Variants in GPHN observed in about 807,000 individuals in gnomAD.
GPHN encodes the protein gephyrin.
A neutral mutation model predicts 95.5 loss-of-function variants in GPHN; 17 were observed. The ratio of observed to expected loss-of-function variants is 0.18; its 90% CI spans 0.12 to 0.27. GPHN has a LOEUF of 0.27. Among genes scored for constraint, GPHN ranks in the 10% least tolerant of loss-of-function variants. The probability of loss-of-function intolerance (pLI) is 1.00; values close to 1 mark genes in which losing one functional copy is unlikely to be tolerated. For missense variants in GPHN, 660 were observed against 978.1 expected (o/e 0.67, Z 4.34); for synonymous variants, 320 against 322.5 (o/e 0.99, Z 0.08).
chr14:67,692,144 A>C, the GPHN span: 3 of 278,098 alleles, frequency 1.1e-5, no homozygotes, highest in Non-Finnish European at 2.0e-5. Flanking sequence ...TCCCTGTGTA[A>C]GTATTTAGAC....
chr14:67,557,282 A>C, the GPHN span: 1 of 1,613,768 alleles, frequency 6.2e-7, no homozygotes, highest in Non-Finnish European at 8.5e-7. Context: ...GGTGTCATGG[A>C]AGAGAAGGTA....
chr14:66,973,308 A>G (rs1160615302), intron 9 of GPHN, among the ~76,000 whole-genome samples: 8 of 152,206 alleles, frequency 5.3e-5, no homozygotes, highest in African/African-American at 7.2e-5. Flanking sequence ...TCTGATTCCA[A>G]TGACAGACTT....
At chr14:66,906,049 C>T (rs2065365571) in intron 5 of GPHN, among the ~76,000 whole-genome samples, 1 of 151,070 alleles carries the variant, frequency 6.6e-6, no homozygotes, top group Admixed American at 6.6e-5. Flanking sequence ...ACATTATCCC[C>T]AGGTTCACCT....
the GPHN span, chr14:67,600,324 C>T: frequency 6.0e-6 from 5 of 839,262 alleles, no homozygotes; most frequent in South Asian, 5.9e-5. Flanking sequence ...CCTAAGCCTG[C>T]GCAGCCTCAG....
At chr14:66,885,920 A>C (rs1402287438) in intron 5 of GPHN, among the ~76,000 whole-genome samples, 1 of 152,036 alleles carries the variant, frequency 6.6e-6, no homozygotes, top group Non-Finnish European at 1.5e-5. Context: ...AAATATTCAG[A>C]GTTCAACAAA....
In GPHN at chr14:66,825,694, G is replaced by A. The variant is rs553690163; in HGVS notation, c.294+1128G>A. ...TTTTCTATTCCTCTATATAAAAACC[G>A]TGGTACATAAACTTTTGATATTATT... On this transcript the variant is annotated intron_variant, in intron 4 of 22. Coordinates refer to ENST00000478722, the MANE Select transcript of GPHN (RefSeq NM_020806.5). Among the ~76,000 whole-genome samples the A allele has an allele frequency of 1.8e-4, 27 of 152,116 alleles. No homozygotes were observed. The South Asian group carries it at 4.6e-3, about 26-fold the overall frequency.
chr14:67,137,752 G>A (rs1375625089), intron 17 of GPHN, among the ~76,000 whole-genome samples: 1 of 152,020 alleles, frequency 6.6e-6, no homozygotes, highest in Non-Finnish European at 1.5e-5. Context: ...GTGATAGAGT[G>A]AGACCCTGTC....
At chr14:67,527,776 G>A in the GPHN span, among the ~76,000 whole-genome samples, 29 of 152,224 alleles carry the variant, frequency 1.9e-4, no homozygotes, top group Non-Finnish European at 3.5e-4. Flanking sequence ...ACAGTTAGGT[G>A]AGGCACAAAG....
intron 1 of GPHN, among the ~76,000 whole-genome samples, chr14:66,569,116 C>A (rs571521862): frequency 6.6e-6 from 1 of 152,246 alleles, no homozygotes; most frequent in South Asian, 2.1e-4. Context: ...TGTTTAAATA[C>A]TTCTGTTTAT....
Position 66,660,325 on chromosome 14 carries a change from G to C in GPHN, c.65-20782G>C, listed in dbSNP as rs529347855. ...CACATTAGACAATGTTACAGTTTTT[G>C]CTTCAGCATTCAAACATAAAAGCCC... On this transcript the variant is annotated intron_variant, in intron 1 of 22. Transcript: ENST00000478722. Among the ~76,000 whole-genome samples, 28 of 152,180 alleles carry C rather than the reference G, an allele frequency of 1.8e-4. No homozygotes were observed. In the South Asian group the frequency reaches 4.8e-3, roughly 26 times the overall value.
chr14:66,712,550 TG>T (rs1284617937), intron 2 of GPHN, among the ~76,000 whole-genome samples: 1 of 152,194 alleles, frequency 6.6e-6, no homozygotes, highest in East Asian at 1.9e-4. Context: ...CTTTGTCAGA[TG>T]GATAAATTGC....
chr14:66,518,671 A>G (rs1224296579), intron 1 of GPHN, among the ~76,000 whole-genome samples: 1 of 152,138 alleles, frequency 6.6e-6, no homozygotes, highest in African/African-American at 2.4e-5. Context: ...ATGAAATCCT[A>G]TCATTCATGG....
intron 1 of GPHN, among the ~76,000 whole-genome samples, chr14:66,623,138 A>G (rs925642443): frequency 1.3e-5 from 2 of 152,304 alleles, no homozygotes; most frequent in Middle Eastern, 3.4e-3. Flanking sequence ...AGGAGCTTGT[A>G]TGGCAGTGGA....
chr14:67,612,560 CTT>C, the GPHN span, among the ~76,000 whole-genome samples: 37 of 152,236 alleles, frequency 2.4e-4, no homozygotes, highest in South Asian at 7.1e-3. Flanking sequence ...ATCTGGTGTT[CTT>C]TTAAGCAAGG....
intron 1 of GPHN, among the ~76,000 whole-genome samples, chr14:66,567,072 T>A (rs2060490632): frequency 6.6e-6 from 1 of 152,210 alleles, no homozygotes. Flanking sequence ...GGAATTACCA[T>A]CTTGCAGCAG....
intron 4 of GPHN, among the ~76,000 whole-genome samples, chr14:66,876,572 G>C (rs1444676104): frequency 6.6e-6 from 1 of 152,078 alleles, no homozygotes; most frequent in Non-Finnish European, 1.5e-5. Context: ...ATATCACACT[G>C]ATCCCACCAA....
the GPHN span, chr14:67,397,936 T>C: frequency 2.4e-6 from 2 of 831,682 alleles, no homozygotes; most frequent in Non-Finnish European, 1.8e-6. Context: ...TGGAAATCAG[T>C]CTCCAAGGAA....
intron 1 of GPHN, among the ~76,000 whole-genome samples, chr14:66,641,278 C>T (rs1413229607): frequency 2.0e-5 from 3 of 152,152 alleles, no homozygotes; most frequent in East Asian, 1.9e-4. Context: ...TACTCTATTG[C>T]AGTGTTGGGC....
intron 1 of GPHN, among the ~76,000 whole-genome samples, chr14:66,563,049 T>C (rs541132247): frequency 1.3e-5 from 2 of 152,278 alleles, no homozygotes; most frequent in African/African-American, 2.4e-5. Context: ...TGGGGAGATA[T>C]TCTGCCTACA....
Sources: allele counts gnomAD v4.1 joint callset (sites outside exome capture counted in the v4.1 genomes callset), GRCh38; gene constraint gnomAD v4.1.1; transcripts MANE v1.5; gene names NCBI Gene and HGNC (gene_info 2026-07-23, HGNC 2026-07-21).